Variants in MAOB observed in about 807,000 individuals in gnomAD.
MAOB encodes amine oxidase [flavin-containing] B.
Under a neutral mutation model 41.9 loss-of-function variants are expected in MAOB, and 15 were observed. That is an observed-to-expected ratio of 0.36 (90% CI 0.24 to 0.55). The LOEUF is 0.55. Among genes scored for constraint, MAOB ranks in the 20% least tolerant of loss-of-function variants. The probability of loss-of-function intolerance (pLI) is 0.86; values close to 1 mark genes in which losing one functional copy is unlikely to be tolerated. For missense variants in MAOB, 345 were observed against 398.7 expected (o/e 0.87, Z 1.15); for synonymous variants, 167 against 144.2 (o/e 1.16, Z -1.13).
chrX:43,818,647 G>A (rs767572405), intron 3 of MAOB, among the ~76,000 whole-genome samples: 1 of 112,450 alleles, frequency 8.9e-6, no homozygotes, highest in African/African-American at 3.2e-5. Flanking sequence ...ACTGTATTTG[G>A]GTAACTGATG....
At chrX:43,866,595 G>A (rs2035366964) in intron 1 of MAOB, among the ~76,000 whole-genome samples, 2 of 112,551 alleles carry the variant, frequency 1.8e-5, no homozygotes, top group African/African-American at 6.5e-5. Flanking sequence ...AATGCGTACA[G>A]AGTTTCTGTT....
At chrX:43,791,936 A>T (rs899944421) in intron 8 of MAOB, among the ~76,000 whole-genome samples, 9 of 111,861 alleles carry the variant, frequency 8.0e-5, no homozygotes, top group African/African-American at 2.6e-4. Context: ...GTTCTGCCCA[A>T]TTGAGTAGTA....
intron 8 of MAOB, among the ~76,000 whole-genome samples, chrX:43,783,212 G>A (rs757030889): frequency 1.8e-5 from 2 of 112,160 alleles, no homozygotes; most frequent in African/African-American, 6.5e-5. Flanking sequence ...GTCTCTGTTT[G>A]CAGATGACAT....
chrX:43,857,114 TATAG>T (rs1370079679), intron 1 of MAOB, among the ~76,000 whole-genome samples: 21 of 11,455 alleles, frequency 1.8e-3, no homozygotes, highest in South Asian at 8.5e-3. Flanking sequence ...TATATATATA[TATAG>T]AGAGAGAGAG....
chrX:43,808,787 G>A (rs566488658), intron 3 of MAOB, among the ~76,000 whole-genome samples: 4 of 109,891 alleles, frequency 3.6e-5, no homozygotes, highest in African/African-American at 3.3e-5. Context: ...TCACTGCAAC[G>A]TCTGCCTCCT....
chrX:43,794,777 G>A (rs778220131), intron 7 of MAOB, among the ~76,000 whole-genome samples: 3 of 109,776 alleles, frequency 2.7e-5, no homozygotes, highest in Non-Finnish European at 3.8e-5. Flanking sequence ...TCTATAAAGT[G>A]TGTGACATTG....
chrX:43,814,212 C>A (rs1323430700), intron 3 of MAOB, among the ~76,000 whole-genome samples: 1 of 110,723 alleles, frequency 9.0e-6, no homozygotes, highest in African/African-American at 3.3e-5. Context: ...GGAACAAATT[C>A]AAGCTCCTGT....
intron 7 of MAOB, 93 bp downstream of exon 7, chrX:43,795,646 G>A (rs2034518242): frequency 1.3e-6 from 1 of 769,738 alleles, no homozygotes; most frequent in Non-Finnish European, 1.9e-6. Context: ...TGGCATCAAA[G>A]GACATCACTC....
At chrX:43,809,116 G>A (rs1179186141) in intron 3 of MAOB, among the ~76,000 whole-genome samples, 2 of 111,228 alleles carry the variant, frequency 1.8e-5, no homozygotes, top group Non-Finnish European at 3.8e-5. Context: ...CTGTGATGAG[G>A]GTGGGAAGGG....
At chrX:43,846,832 T>C (rs946607642) in intron 1 of MAOB, among the ~76,000 whole-genome samples, 1 of 111,847 alleles carries the variant, frequency 8.9e-6, no homozygotes, top group Non-Finnish European at 1.9e-5. Flanking sequence ...GTTGGTTGTT[T>C]GGAACTTTTA....
rs1369087488 is a variant in MAOB, at chrX:43,864,635, T to G, written c.46+17619A>C. On this transcript the variant is annotated intron_variant, in intron 1 of 14. Coordinates refer to ENST00000378069, the MANE Select transcript of MAOB (RefSeq NM_000898.5). ...CTACATAGAGGAGGTTTAGGTTTGA[T>G]TTCAACACTCAAGATGGCCCAGAGT... Among the ~76,000 whole-genome samples the G allele has an allele frequency of 3.6e-5, 4 of 111,651 alleles. No individual in the cohort carries two copies. The East Asian group carries it at 8.4e-4, about 23-fold the overall frequency.
At chrX:43,782,218 A>G (rs754458533) in intron 8 of MAOB, among the ~76,000 whole-genome samples, 1 of 111,414 alleles carries the variant, frequency 9.0e-6, no homozygotes, top group Admixed American at 9.6e-5. Context: ...TTTTGAAAAG[A>G]TCAAAAAAAT....
intron 3 of MAOB, among the ~76,000 whole-genome samples, chrX:43,833,870 T>C (rs770102544): frequency 8.9e-6 from 1 of 111,954 alleles, no homozygotes; most frequent in Admixed American, 9.5e-5. Context: ...AATTCAGCCA[T>C]CAAAGGCATA....
At chrX:43,771,613 C>T (rs1172487916) in intron 12 of MAOB, among the ~76,000 whole-genome samples, 1 of 109,124 alleles carries the variant, frequency 9.2e-6, no homozygotes, top group Non-Finnish European at 1.9e-5. Context: ...TAAACAATGC[C>T]GTTTTTCACT....
intron 1 of MAOB, among the ~76,000 whole-genome samples, chrX:43,857,182 G>C (rs1163164171): frequency 1.1e-5 from 1 of 92,761 alleles, no homozygotes; most frequent in African/African-American, 4.0e-5. Context: ...GAGAGAGAGA[G>C]AGAGAGAGAG....
Position 43,863,449 on chromosome X carries a change from G to A in MAOB, c.46+18805C>T, listed in dbSNP as rs546018022. On this transcript the variant is annotated intron_variant, in intron 1 of 14. Transcript: ENST00000378069. ...ATATAAATGTGTGGTACACGTGTGC[G>A]CACACACACATAGCCAAAATAAATG... 5.8e-3 allele frequency among the ~76,000 whole-genome samples: 646 copies of A among 111,442 alleles called. 2 individuals are homozygous for A. The highest frequency in any genetic ancestry group is 8.1e-3 in the Non-Finnish European group (427 of 52,934).
intron 3 of MAOB, among the ~76,000 whole-genome samples, chrX:43,830,198 T>C (rs1272543895): frequency 8.9e-6 from 1 of 112,147 alleles, no homozygotes; most frequent in Non-Finnish European, 1.9e-5. Context: ...CTTTTAGATT[T>C]CACGCATATA....
At chrX:43,819,222 T>G (rs747784849) in intron 3 of MAOB, among the ~76,000 whole-genome samples, 1 of 111,878 alleles carries the variant, frequency 8.9e-6, no homozygotes, top group East Asian at 2.8e-4. Flanking sequence ...AGGAACTTAT[T>G]ACTTCAGTTA....
chrX:43,771,479 A>G (rs1376161231), intron 12 of MAOB, among the ~76,000 whole-genome samples: 1 of 111,540 alleles, frequency 9.0e-6, no homozygotes, highest in Non-Finnish European at 1.9e-5. Context: ...TAACCCCATC[A>G]TATTTTGAGG....
Sources: allele counts gnomAD v4.1 joint callset (sites outside exome capture counted in the v4.1 genomes callset), GRCh38; gene constraint gnomAD v4.1.1; transcripts MANE v1.5; gene names NCBI Gene and HGNC (gene_info 2026-07-23, HGNC 2026-07-21).